PDZRN3: variants seen among roughly 807,000 people sequenced by gnomAD.
PDZRN3 encodes the protein PDZ domain containing ring finger 3.
PDZRN3 carries 38 observed loss-of-function variants against 85.7 expected under a neutral mutation model. The ratio of observed to expected loss-of-function variants is 0.44; its 90% CI spans 0.34 to 0.58. The LOEUF (loss-of-function observed/expected upper bound fraction) is 0.58, where lower values mean the gene tolerates loss of function less well. PDZRN3 is among the 20% of genes least tolerant of loss of function. The pLI is 0.01. For missense variants in PDZRN3, 1,629 were observed against 1,506.4 expected (o/e 1.08, Z -1.35); for synonymous variants, 759 against 638.0 (o/e 1.19, Z -2.86).
intron 3 of PDZRN3, among the ~76,000 whole-genome samples, chr3:73,512,489 C>T (rs972725041): frequency 1.3e-5 from 2 of 152,130 alleles, no homozygotes; most frequent in Non-Finnish European, 2.9e-5. Flanking sequence ...AACCCAATGG[C>T]AGGCATTTAA....
At chr3:73,602,813 A>AT (rs1702534409) in intron 2 of PDZRN3, among the ~76,000 whole-genome samples, 2 of 152,220 alleles carry the variant, frequency 1.3e-5, no homozygotes, top group Non-Finnish European at 2.9e-5. Flanking sequence ...TGATTATGCT[A>AT]GTCTGACTCT....
At chr3:73,387,243 C>G (rs1253194061) in intron 8 of PDZRN3, among the ~76,000 whole-genome samples, 1 of 152,054 alleles carries the variant, frequency 6.6e-6, no homozygotes, top group East Asian at 1.9e-4. Context: ...CGGACTAATA[C>G]ACATACCTAA....
intron 3 of PDZRN3, among the ~76,000 whole-genome samples, chr3:73,418,958 T>C (rs1012963682): frequency 6.6e-6 from 1 of 152,210 alleles, no homozygotes; most frequent in East Asian, 1.9e-4. Context: ...TGTTGTCGAA[T>C]TGTTAGAGTT....
chr3:73,473,955 T>TA (rs1391722758), intron 3 of PDZRN3, among the ~76,000 whole-genome samples: 1 of 152,238 alleles, frequency 6.6e-6, no homozygotes, highest in Non-Finnish European at 1.5e-5. Context: ...TTTAAGTCAC[T>TA]AGGTGTTGGA....
chr3:73,445,291 T>G (rs2106830003), intron 3 of PDZRN3, among the ~76,000 whole-genome samples: 1 of 152,170 alleles, frequency 6.6e-6, no homozygotes, highest in South Asian at 2.1e-4. Flanking sequence ...GGTAATTGAG[T>G]CATAGGCAAC....
chr3:73,571,488 C>T (rs1386986128), intron 3 of PDZRN3, among the ~76,000 whole-genome samples: 1 of 152,208 alleles, frequency 6.6e-6, no homozygotes, highest in Non-Finnish European at 1.5e-5. Context: ...CAAATGCCTT[C>T]AGTGAGGGGC....
At chr3:73,546,457 G>A (rs1701425207) in intron 3 of PDZRN3, among the ~76,000 whole-genome samples, 1 of 152,216 alleles carries the variant, frequency 6.6e-6, no homozygotes, top group South Asian at 2.1e-4. Context: ...AAAAGTACTG[G>A]CTTGTTCATT....
intron 2 of PDZRN3, among the ~76,000 whole-genome samples, chr3:73,606,690 A>G (rs1410620053): frequency 1.3e-5 from 2 of 152,172 alleles, no homozygotes; most frequent in Non-Finnish European, 2.9e-5. Context: ...CTACCTTCAT[A>G]TTTACAATTT....
chr3:73,451,085 T>A (rs536720545), intron 3 of PDZRN3, among the ~76,000 whole-genome samples: 3 of 152,242 alleles, frequency 2.0e-5, no homozygotes, highest in African/African-American at 7.2e-5. Flanking sequence ...AGTCTTGACA[T>A]CTCACTTCAG....
intron 3 of PDZRN3, among the ~76,000 whole-genome samples, chr3:73,602,110 G>C (rs1220334633): frequency 6.6e-6 from 1 of 152,098 alleles, no homozygotes; most frequent in Non-Finnish European, 1.5e-5. Context: ...AACAGATTGA[G>C]GTCCACATGA....
chr3:73,592,898 G>A (rs1702379419), intron 3 of PDZRN3, among the ~76,000 whole-genome samples: 1 of 152,156 alleles, frequency 6.6e-6, no homozygotes, highest in African/African-American at 2.4e-5. Flanking sequence ...CTGGTCTATA[G>A]GCACTGTGCT....
intron 3 of PDZRN3, among the ~76,000 whole-genome samples, chr3:73,528,459 C>T (rs1242740772): frequency 6.6e-6 from 1 of 152,106 alleles, no homozygotes; most frequent in Non-Finnish European, 1.5e-5. Context: ...CAAAAGAAAA[C>T]ACGGCCCAGT....
intron 3 of PDZRN3, among the ~76,000 whole-genome samples, chr3:73,477,085 A>G (rs890077016): frequency 6.6e-6 from 1 of 152,336 alleles, no homozygotes; most frequent in Non-Finnish European, 1.5e-5. Flanking sequence ...TTCATGAACT[A>G]TCTTGCTTAA....
intron 2 of PDZRN3, among the ~76,000 whole-genome samples, chr3:73,606,680 C>T (rs1702603832): frequency 6.6e-6 from 1 of 152,216 alleles, no homozygotes; most frequent in Non-Finnish European, 1.5e-5. Flanking sequence ...CTGTCCCCAT[C>T]TACCTTCATA....
At chr3:73,473,958 G>T (rs1191511584) in intron 3 of PDZRN3, among the ~76,000 whole-genome samples, 2 of 152,200 alleles carry the variant, frequency 1.3e-5, no homozygotes, top group Non-Finnish European at 2.9e-5. Flanking sequence ...AAGTCACTAG[G>T]TGTTGGAGTA....
intron 3 of PDZRN3, among the ~76,000 whole-genome samples, chr3:73,427,057 A>G (rs1396210287): frequency 6.6e-6 from 1 of 152,232 alleles, no homozygotes; most frequent in Non-Finnish European, 1.5e-5. Flanking sequence ...GTATTTGGAA[A>G]AAAAAATTAT....
chr3:73,569,189 C>T (rs1702004141), intron 3 of PDZRN3: 4 of 1,289,388 alleles, frequency 3.1e-6, no homozygotes, highest in Non-Finnish European at 4.0e-6. Flanking sequence ...CTCTTTGATT[C>T]ATCAGGAGGA....
chr3:73,402,804 G>A (rs1204041986), intron 4 of PDZRN3, among the ~76,000 whole-genome samples: 2 of 152,148 alleles, frequency 1.3e-5, no homozygotes, highest in Non-Finnish European at 2.9e-5. Context: ...CCTGTAAGAG[G>A]TGAAAATGCC....
At chr3:73,491,804 T>C (rs1431128528) in intron 3 of PDZRN3, among the ~76,000 whole-genome samples, 1 of 151,894 alleles carries the variant, frequency 6.6e-6, no homozygotes, top group East Asian at 1.9e-4. Context: ...TCCCTTTTTG[T>C]TGTCTAGCCT....
Sources: allele counts gnomAD v4.1 joint callset (sites outside exome capture counted in the v4.1 genomes callset), GRCh38; gene constraint gnomAD v4.1.1; transcripts MANE v1.5; gene names NCBI Gene and HGNC (gene_info 2026-07-23, HGNC 2026-07-21).